NAV2: variants seen among roughly 807,000 people sequenced by gnomAD.
NAV2 encodes helicase, APC down-regulated 1.
Under a neutral mutation model 223.2 loss-of-function variants are expected in NAV2, and 54 were observed. That is an observed-to-expected ratio of 0.24 (90% confidence interval 0.19 to 0.30). The LOEUF (loss-of-function observed/expected upper bound fraction) is 0.30. Among genes scored for constraint, NAV2 ranks in the 10% least tolerant of loss-of-function variants. NAV2 has a pLI of 1.00. For synonymous variants in NAV2, 1,279 were observed against 1,239.3 expected (o/e 1.03, Z -0.67); for missense variants, 2,806 against 3,147.5 (o/e 0.89, Z 2.60).
chr11:20,059,157 G>T (rs899956053), intron 19 of NAV2, among the ~76,000 whole-genome samples: 3 of 151,924 alleles, frequency 2.0e-5, no homozygotes, highest in Non-Finnish European at 2.9e-5. Context: ...TCCTTTGCTG[G>T]TGGAGAGGCA....
intron 1 of NAV2, among the ~76,000 whole-genome samples, chr11:19,783,957 TTTTACTGGAA>T (rs1395542299): frequency 3.3e-5 from 5 of 152,208 alleles, no homozygotes; most frequent in African/African-American, 1.2e-4. Context: ...CATACCTATA[TTTTACTGGAA>T]GAAAGAGATA....
intron 1 of NAV2, among the ~76,000 whole-genome samples, chr11:19,452,031 G>A (rs1235150879): frequency 3.9e-5 from 6 of 151,900 alleles, no homozygotes; most frequent in Non-Finnish European, 7.4e-5. Flanking sequence ...GGTATCAGCT[G>A]TTTCATCCTC....
chr11:19,382,010 C>T (rs1045443975), intron 1 of NAV2, among the ~76,000 whole-genome samples: 2 of 152,144 alleles, frequency 1.3e-5, no homozygotes, highest in African/African-American at 2.4e-5. Flanking sequence ...AGGCTGCTCA[C>T]TGGGGCCATC....
chr11:19,961,902 A>T (rs1222394135), intron 10 of NAV2, among the ~76,000 whole-genome samples: 1 of 151,960 alleles, frequency 6.6e-6, no homozygotes, highest in Non-Finnish European at 1.5e-5. Flanking sequence ...GCTGGATCAG[A>T]GTTGGTCTGT....
At chr11:19,601,146 C>A (rs1400828182) in intron 1 of NAV2, among the ~76,000 whole-genome samples, 1 of 152,196 alleles carries the variant, frequency 6.6e-6, no homozygotes, top group African/African-American at 2.4e-5. Flanking sequence ...GGATGAGTTA[C>A]CCAAAGCCTA....
chr11:19,695,992 A>G (rs771729338), intron 1 of NAV2, among the ~76,000 whole-genome samples: 1 of 151,148 alleles, frequency 6.6e-6, no homozygotes, highest in Non-Finnish European at 1.5e-5. Context: ...ATTCTACTCC[A>G]TATGCTAATG....
chr11:19,715,455 G>A (rs77791522), intron 1 of NAV2, among the ~76,000 whole-genome samples: 4,220 of 152,194 alleles, frequency 0.028, 198 homozygotes, highest in African/African-American at 0.094. Flanking sequence ...TGGACTTGGG[G>A]TTTATGAGGT....
chr11:19,775,189 T>C, intron 1 of NAV2, among the ~76,000 whole-genome samples: 1 of 152,228 alleles, frequency 6.6e-6, no homozygotes, highest in East Asian at 1.9e-4. Context: ...TCCAAATATA[T>C]AAATATATTT....
At chr11:19,345,954 C>T (rs1852982709), upstream of NAV2, among the ~76,000 whole-genome samples, 1 of 152,102 alleles carries the variant, frequency 6.6e-6, no homozygotes, top group Non-Finnish European at 1.5e-5. The surrounding 1 kb of genome is among the most constrained non-coding windows in gnomAD (Gnocchi z 5.2). Context: ...TGTCTGTGAA[C>T]GCCCTCTCCA....
intron 1 of NAV2, among the ~76,000 whole-genome samples, chr11:19,792,431 C>G (rs2057588581): frequency 6.6e-6 from 1 of 152,242 alleles, no homozygotes; most frequent in African/African-American, 2.4e-5. Context: ...CAGGGGAGAG[C>G]ACTCTTGGTA....
At chr11:19,818,228 G>A (rs1319390939) in intron 1 of NAV2, among the ~76,000 whole-genome samples, 6 of 103,796 alleles carry the variant, frequency 5.8e-5, no homozygotes, top group African/African-American at 2.2e-4. Flanking sequence ...TGTGTATTTA[G>A]TGATTTTTTT....
chr11:19,725,141 T>G (rs1361474465), intron 1 of NAV2, among the ~76,000 whole-genome samples: 1 of 152,248 alleles, frequency 6.6e-6, no homozygotes, highest in Non-Finnish European at 1.5e-5. Flanking sequence ...TTAATTGCCA[T>G]AAAAGCAGTA....
intron 1 of NAV2, among the ~76,000 whole-genome samples, chr11:19,394,683 T>A (rs1410735112): frequency 6.6e-6 from 1 of 152,148 alleles, no homozygotes; most frequent in Non-Finnish European, 1.5e-5. Flanking sequence ...CGAGCTGAAA[T>A]CTGCAGGCAG....
chr11:19,873,680 G>T (rs149999178), intron 4 of NAV2, among the ~76,000 whole-genome samples: 2 of 152,264 alleles, frequency 1.3e-5, no homozygotes, highest in East Asian at 3.9e-4. Flanking sequence ...GGTGAAAGCA[G>T]CAGGTGGAAC....
chr11:19,798,836 T>A (rs886606873), intron 1 of NAV2, among the ~76,000 whole-genome samples: 1 of 152,180 alleles, frequency 6.6e-6, no homozygotes, highest in South Asian at 2.1e-4. Flanking sequence ...AAGCTTGTAG[T>A]TTTCCTGGCA....
chr11:19,960,117 C>G (rs900725244), intron 10 of NAV2, among the ~76,000 whole-genome samples: 4 of 152,200 alleles, frequency 2.6e-5, no homozygotes, highest in African/African-American at 9.7e-5. Flanking sequence ...TGACTGTGCC[C>G]TGGGGCTTGA....
intron 1 of NAV2, among the ~76,000 whole-genome samples, chr11:19,481,837 T>C (rs12222168): frequency 0.3 from 45,172 of 152,164 alleles, 8,230 homozygotes; most frequent in South Asian, 0.4. Flanking sequence ...TGTCTCACAG[T>C]TGGCCCACAA....
At chr11:19,925,474 G>A (rs946912138) in intron 6 of NAV2, among the ~76,000 whole-genome samples, 2 of 152,162 alleles carry the variant, frequency 1.3e-5, no homozygotes, top group Non-Finnish European at 2.9e-5. Flanking sequence ...ATCCAGGCCG[G>A]GTGTGGTGGC....
chr11:19,899,319 T>C (rs1414711371), intron 6 of NAV2, among the ~76,000 whole-genome samples: 1 of 152,210 alleles, frequency 6.6e-6, no homozygotes, highest in Non-Finnish European at 1.5e-5. Context: ...TATAAACATG[T>C]CACTTTATGG....
Sources: gnomAD v4.1 joint callset for allele counts (sites outside exome capture counted in the v4.1 genomes callset) on GRCh38, gnomAD v4.1.1 for gene constraint, Gnocchi (gnomAD v3.1) non-coding constraint, MANE v1.5 for transcripts, NCBI Gene and HGNC (gene_info 2026-07-23, HGNC 2026-07-21) for gene names.